The following TNR variants were observed in gnomAD, a reference collection of about 807,000 sequenced individuals.
The protein encoded by TNR is tenascin-R.
A neutral mutation model predicts 150.4 loss-of-function variants in TNR; 45 were observed. The observed-to-expected ratio is 0.30, with a 90% confidence interval of 0.24 to 0.38. The LOEUF (loss-of-function observed/expected upper bound fraction) is 0.38, where lower values mean the gene tolerates loss of function less well. Among genes scored for constraint, TNR ranks in the 10% least tolerant of loss-of-function variants. The pLI is 1.00. For missense variants in TNR, 1,544 were observed against 1,759.1 expected (o/e 0.88, Z 2.19); for synonymous variants, 687 against 678.4 (o/e 1.01, Z -0.20).
chr1:175,344,784 A>G (rs1557876091), intron 18 of TNR, among the ~76,000 whole-genome samples: 1 of 152,232 alleles, frequency 6.6e-6, no homozygotes, highest in Non-Finnish European at 1.5e-5. Flanking sequence ...TTTAAAGAAT[A>G]AAAATCATCA....
chr1:175,714,085 G>T (rs939351637), intron 1 of TNR, among the ~76,000 whole-genome samples: 3 of 151,448 alleles, frequency 2.0e-5, no homozygotes, highest in African/African-American at 4.9e-5. Flanking sequence ...TCCTCTGCTT[G>T]TATGGTTTCT....
At chr1:175,463,324 A>C (rs1656898903) in intron 2 of TNR, among the ~76,000 whole-genome samples, 1 of 152,146 alleles carries the variant, frequency 6.6e-6, no homozygotes, top group Non-Finnish European at 1.5e-5. Flanking sequence ...GTGCTTTATA[A>C]GTATGCTTTT....
chr1:175,619,418 C>A (rs1267318632), intron 1 of TNR, among the ~76,000 whole-genome samples: 1 of 152,170 alleles, frequency 6.6e-6, no homozygotes, highest in Non-Finnish European at 1.5e-5. Flanking sequence ...CATTTCAATG[C>A]AGAATGATTC....
chr1:175,341,728 A>G (rs959493046), intron 18 of TNR, among the ~76,000 whole-genome samples: 4 of 152,220 alleles, frequency 2.6e-5, no homozygotes, highest in Non-Finnish European at 5.9e-5. Flanking sequence ...TGAAGCCACA[A>G]TGTCAGCATT....
intron 1 of TNR, among the ~76,000 whole-genome samples, chr1:175,627,443 C>G (rs6663397): frequency 0.29 from 43,408 of 152,002 alleles, 7,349 homozygotes; most frequent in East Asian, 0.5. Context: ...TTATAAATTT[C>G]CATATACTTG....
chr1:175,503,668 A>G (rs1160589874), intron 2 of TNR, among the ~76,000 whole-genome samples: 1 of 152,194 alleles, frequency 6.6e-6, no homozygotes, highest in Non-Finnish European at 1.5e-5. Flanking sequence ...TGCTGTGTGC[A>G]GAGCGAGTGG....
chr1:175,693,108 A>G (rs115540957), intron 1 of TNR, among the ~76,000 whole-genome samples: 2,277 of 152,354 alleles, frequency 0.015, 70 homozygotes, highest in African/African-American at 0.051. Context: ...TGTAAACTAC[A>G]TAGAATGTTA....
chr1:175,340,895 C>T (rs2101994734), intron 18 of TNR, among the ~76,000 whole-genome samples: 1 of 152,224 alleles, frequency 6.6e-6, no homozygotes, highest in South Asian at 2.1e-4. Flanking sequence ...TTTCCCTCTC[C>T]CCCTCTTTCC....
At chr1:175,642,033 G>A (rs1439252514) in intron 1 of TNR, among the ~76,000 whole-genome samples, 1 of 152,152 alleles carries the variant, frequency 6.6e-6, no homozygotes, top group East Asian at 1.9e-4. Context: ...GAGACAGAGA[G>A]GCAGACCCGG....
intron 1 of TNR, among the ~76,000 whole-genome samples, chr1:175,531,429 G>A (rs920783347): frequency 3.3e-5 from 5 of 152,196 alleles, no homozygotes; most frequent in African/African-American, 1.2e-4. Flanking sequence ...TGAAGCTGAT[G>A]TGTCTCAAGG....
At chr1:175,442,206 G>C (rs1429560117) in intron 2 of TNR, among the ~76,000 whole-genome samples, 2 of 152,028 alleles carry the variant, frequency 1.3e-5, no homozygotes, top group African/African-American at 4.8e-5. Flanking sequence ...CTTGGCTTTT[G>C]CACCCTCTCT....
intron 1 of TNR, among the ~76,000 whole-genome samples, chr1:175,742,887 A>G (rs1039993103): frequency 6.6e-6 from 1 of 151,816 alleles, no homozygotes; most frequent in Middle Eastern, 3.2e-3. Context: ...TCTACAGACA[A>G]AAAGAACAGC....
At chr1:175,607,225 T>C (rs1571669686) in intron 1 of TNR, among the ~76,000 whole-genome samples, 1 of 152,230 alleles carries the variant, frequency 6.6e-6, no homozygotes, top group African/African-American at 2.4e-5. Context: ...CTGAGTCGTC[T>C]TGAGACTAGA....
At chr1:175,522,876 T>C (rs1557984971) in intron 2 of TNR, among the ~76,000 whole-genome samples, 2 of 152,374 alleles carry the variant, frequency 1.3e-5, no homozygotes, top group East Asian at 3.9e-4. Flanking sequence ...AATTTGTCTT[T>C]ATGGCATACC....
intron 9 of TNR, among the ~76,000 whole-genome samples, chr1:175,377,029 G>T (rs936932172): frequency 3.0e-4 from 45 of 152,220 alleles, no homozygotes; most frequent in African/African-American, 1.1e-3. Context: ...AGCAGAAGCA[G>T]CTGTGGAAGG....
chr1:175,316,046 C>A lies in TNR; in HGVS notation c.*7311G>T, dbSNP rs1648832299. The A allele has an allele frequency of 6.6e-6, 1 of 152,216 alleles. No individual in the cohort carries two copies. Among genetic ancestry groups the A allele is most frequent in the Non-Finnish European group, 1.5e-5 (1 of 68,042 alleles). 9.4% of individuals were successfully genotyped at this position (152,216 alleles called of 1,614,324 possible). A position where few individuals can be genotyped will look rare whatever the true frequency, so the allele number is the denominator to read the frequency against. On this transcript the variant is annotated 3_prime_UTR_variant, in exon 23 of 23. Coordinates refer to ENST00000367674, the MANE Select transcript of TNR (RefSeq NM_003285.3). ...CACTGCTGCCCAAGCAGCCCCCACA[C>A]TGGAATGGAACCAGTGTTCTGGGGT...
intron 1 of TNR, among the ~76,000 whole-genome samples, chr1:175,617,535 C>A (rs1663821691): frequency 6.6e-6 from 1 of 152,118 alleles, no homozygotes; most frequent in Non-Finnish European, 1.5e-5. Flanking sequence ...TCGGGATGGC[C>A]TAAAGCCTTC....
chr1:175,561,162 A>G (rs918303725), intron 1 of TNR, among the ~76,000 whole-genome samples: 11 of 152,108 alleles, frequency 7.2e-5, no homozygotes, highest in African/African-American at 2.7e-4. Flanking sequence ...CAGGCTTATA[A>G]TACTCTTTTG....
chr1:175,372,758 T>G (rs571067859), intron 9 of TNR, among the ~76,000 whole-genome samples: 2 of 152,306 alleles, frequency 1.3e-5, no homozygotes, highest in South Asian at 4.1e-4. Flanking sequence ...CAGACTTGGT[T>G]GGGATCAAGT....
Sources: allele counts gnomAD v4.1 joint callset (sites outside exome capture counted in the v4.1 genomes callset), GRCh38; gene constraint gnomAD v4.1.1; transcripts MANE v1.5; gene names NCBI Gene and HGNC (gene_info 2026-07-23, HGNC 2026-07-21).